LRRTM4: variants seen among roughly 807,000 people sequenced by gnomAD.
LRRTM4 encodes leucine rich repeat transmembrane neuronal 4.
A neutral mutation model predicts 47.6 loss-of-function variants in LRRTM4; 25 were observed. That is an observed-to-expected ratio of 0.53 (90% CI 0.38 to 0.73). LRRTM4 has a LOEUF of 0.73. LRRTM4 is among the 30% of genes least tolerant of loss of function. The pLI, the probability that LRRTM4 is intolerant of heterozygous loss-of-function variation, is 0.00. For missense variants in LRRTM4, 638 were observed against 713.4 expected (o/e 0.89, Z 1.20); for synonymous variants, 311 against 269.5 (o/e 1.15, Z -1.51).
intron 3 of LRRTM4, among the ~76,000 whole-genome samples, chr2:77,223,513 T>C (rs1237043695): frequency 6.6e-6 from 1 of 152,184 alleles, no homozygotes; most frequent in Non-Finnish European, 1.5e-5. Context: ...CGGCAAAGTC[T>C]CAGGATACAA....
At chr2:77,447,301 C>T (rs1398473051) in intron 3 of LRRTM4, among the ~76,000 whole-genome samples, 1 of 151,708 alleles carries the variant, frequency 6.6e-6, no homozygotes, top group Non-Finnish European at 1.5e-5. Flanking sequence ...GTATTGTAAG[C>T]AAGTATATCT....
At chr2:77,470,164 T>C (rs146384640) in intron 3 of LRRTM4, among the ~76,000 whole-genome samples, 62 of 152,184 alleles carry the variant, frequency 4.1e-4, no homozygotes, top group Non-Finnish European at 7.9e-4. Flanking sequence ...AAATGCGTAA[T>C]ACCAGGCAGA....
intron 3 of LRRTM4, among the ~76,000 whole-genome samples, chr2:76,897,654 T>C: frequency 6.6e-6 from 1 of 152,162 alleles, no homozygotes; most frequent in East Asian, 1.9e-4. Flanking sequence ...GCAATTCCAA[T>C]TAATACAACT....
At chr2:77,031,165 T>A (rs1475938538) in intron 3 of LRRTM4, among the ~76,000 whole-genome samples, 1 of 152,226 alleles carries the variant, frequency 6.6e-6, no homozygotes, top group Non-Finnish European at 1.5e-5. Flanking sequence ...TATCTATTTC[T>A]ACATTTGCCA....
chr2:76,805,613 A>G (rs1675927097), intron 3 of LRRTM4, among the ~76,000 whole-genome samples: 1 of 152,218 alleles, frequency 6.6e-6, no homozygotes, highest in African/African-American at 2.4e-5. Flanking sequence ...GTTCATTTAA[A>G]TTAATGTTTT....
At chr2:77,467,907 A>G (rs1677040868) in intron 3 of LRRTM4, among the ~76,000 whole-genome samples, 1 of 152,162 alleles carries the variant, frequency 6.6e-6, no homozygotes, top group African/African-American at 2.4e-5. Context: ...TTATTTATTG[A>G]TTTGTCTTTT....
At chr2:77,170,207 TG>T (rs150996045) in intron 3 of LRRTM4, among the ~76,000 whole-genome samples, 3,180 of 151,748 alleles carry the variant, frequency 0.021, 140 homozygotes, top group African/African-American at 0.072. Context: ...TCCTTAAGAG[TG>T]GGAAGAGGAA....
intron 3 of LRRTM4, among the ~76,000 whole-genome samples, chr2:76,882,700 G>C (rs959706471): frequency 6.6e-6 from 1 of 152,092 alleles, no homozygotes; most frequent in Non-Finnish European, 1.5e-5. Flanking sequence ...CTCCTGAACA[G>C]GACAGTACCA....
chr2:77,421,571 T>G (rs1036667017), intron 3 of LRRTM4, among the ~76,000 whole-genome samples: 61 of 152,108 alleles, frequency 4.0e-4, no homozygotes, highest in South Asian at 6.2e-4. Flanking sequence ...GCCGGGCGTG[T>G]TGGCGGGTGC....
At chr2:76,931,236 G>T (rs758004803) in intron 3 of LRRTM4, among the ~76,000 whole-genome samples, 1 of 152,074 alleles carries the variant, frequency 6.6e-6, no homozygotes, top group Non-Finnish European at 1.5e-5. Flanking sequence ...AAACAAGAAA[G>T]TCATTAAACA....
At chr2:77,328,455 G>A (rs1311725906) in intron 3 of LRRTM4, among the ~76,000 whole-genome samples, 1 of 152,076 alleles carries the variant, frequency 6.6e-6, no homozygotes, top group Non-Finnish European at 1.5e-5. Flanking sequence ...TTGCAGTCAT[G>A]CCCCCTCCCT....
chr2:76,815,125 G>T (rs75951667), intron 3 of LRRTM4, among the ~76,000 whole-genome samples: 4,587 of 151,850 alleles, frequency 0.03, 216 homozygotes, highest in African/African-American at 0.092. Flanking sequence ...AATAAGAAAA[G>T]AAATAAATAA....
At chr2:76,894,713 A>C (rs945929990) in intron 3 of LRRTM4, among the ~76,000 whole-genome samples, 15 of 151,964 alleles carry the variant, frequency 9.9e-5, no homozygotes, top group Non-Finnish European at 2.1e-4. Flanking sequence ...TGACCTGGCT[A>C]TTCAACCCTG....
intron 3 of LRRTM4, among the ~76,000 whole-genome samples, chr2:77,310,869 TAGAG>T (rs1677433038): frequency 6.6e-6 from 1 of 151,976 alleles, no homozygotes; most frequent in Admixed American, 6.6e-5. Flanking sequence ...CATATATATT[TAGAG>T]AGAGAATATT....
chr2:77,183,316 C>A lies in LRRTM4; in HGVS notation c.1551+335002G>T, dbSNP rs999423227. On this transcript the variant is annotated intron_variant, in intron 3 of 3. Transcript: ENST00000409884. ...AAAATAAGACATTTATGCAGCCAAACGACACATGAAAAAATGCTCATCATC... is the reference window on the plus strand; with the variant it reads ...AAAATAAGACATTTATGCAGCCAAAAGACACATGAAAAAATGCTCATCATC... 1.4e-4 allele frequency among the ~76,000 whole-genome samples: 21 copies of A among 152,060 alleles called. 1 individual carries two copies. Among genetic ancestry groups the A allele is most frequent in the Non-Finnish European group, 2.5e-4 (17 of 67,972 alleles).
intron 3 of LRRTM4, among the ~76,000 whole-genome samples, chr2:77,177,839 C>T (rs538676466): frequency 2.6e-5 from 4 of 152,312 alleles, no homozygotes; most frequent in African/African-American, 7.2e-5. Context: ...TGCTACCAGG[C>T]CTTTCCCCAG....
chr2:77,506,920 T>C (rs539325972), intron 3 of LRRTM4, among the ~76,000 whole-genome samples: 1 of 152,162 alleles, frequency 6.6e-6, no homozygotes, highest in South Asian at 2.1e-4. Context: ...CAAAGTAATG[T>C]TATGCAATCA....
intron 3 of LRRTM4, among the ~76,000 whole-genome samples, chr2:76,958,903 A>C (rs1380198271): frequency 6.6e-6 from 1 of 151,674 alleles, no homozygotes; most frequent in African/African-American, 2.4e-5. Context: ...TTGCTGGACT[A>C]GTTTTCCAGG....
intron 3 of LRRTM4, among the ~76,000 whole-genome samples, chr2:77,072,800 C>CAAAAA (rs373786120): frequency 0.024 from 1,907 of 78,392 alleles, 86 homozygotes; most frequent in East Asian, 0.046. Context: ...CTCCGTCTTC[C>CAAAAA]AAAAAAAAAA....
Sources: allele counts gnomAD v4.1 joint callset (sites outside exome capture counted in the v4.1 genomes callset), GRCh38; gene constraint gnomAD v4.1.1; transcripts MANE v1.5; gene names NCBI Gene and HGNC (gene_info 2026-07-23, HGNC 2026-07-21).